The following ITGBL1 variants were observed in gnomAD, a reference collection of about 807,000 sequenced individuals.
The protein encoded by ITGBL1 is integrin beta-like protein 1.
In ITGBL1, 51 loss-of-function variants were observed where a neutral mutation model predicts 68.5. The observed-to-expected ratio is 0.74, with a 90% CI of 0.59 to 0.94. ITGBL1 has a LOEUF of 0.94. Ranked by LOEUF, ITGBL1 falls within the 40% of genes least tolerant of loss-of-function variation. ITGBL1 has a pLI of 0.00. For missense variants in ITGBL1, 649 were observed against 647.4 expected, an observed-to-expected ratio of 1.00 and a Z score of -0.03; for synonymous variants, 209 against 227.3, an observed-to-expected ratio of 0.92 and a Z score of 0.72.
chr13:101,528,679 A>G (rs1042391215), intron 2 of ITGBL1, among the ~76,000 whole-genome samples: 1 of 152,018 alleles, frequency 6.6e-6, no homozygotes, highest in African/African-American at 2.4e-5. Context: ...TACTGAATGT[A>G]TATAATGAAT....
chr13:101,539,115 A>C (rs2139179756), intron 2 of ITGBL1, among the ~76,000 whole-genome samples: 1 of 139,136 alleles, frequency 7.2e-6, no homozygotes, highest in African/African-American at 2.7e-5. Context: ...AGTTAGTTAC[A>C]TATGTATACA....
At chr13:101,649,776 A>T (rs1031055627) in intron 7 of ITGBL1, among the ~76,000 whole-genome samples, 3 of 151,988 alleles carry the variant, frequency 2.0e-5, no homozygotes, top group Non-Finnish European at 4.4e-5. Context: ...CCAAAATTTT[A>T]TTTTCTAATT....
intron 2 of ITGBL1, among the ~76,000 whole-genome samples, chr13:101,498,528 T>C (rs974628841): frequency 6.6e-6 from 1 of 152,144 alleles, no homozygotes; most frequent in African/African-American, 2.4e-5. Flanking sequence ...AGATCTATAG[T>C]AGGGTTAATT....
At chr13:101,553,642 G>T (rs900943606) in intron 2 of ITGBL1, among the ~76,000 whole-genome samples, 3 of 152,010 alleles carry the variant, frequency 2.0e-5, no homozygotes, top group African/African-American at 2.4e-5. Context: ...CCTCCTGAGG[G>T]TTATGCGAGT....
chr13:101,672,463 C>G (rs2033401426), intron 7 of ITGBL1, among the ~76,000 whole-genome samples: 1 of 152,210 alleles, frequency 6.6e-6, no homozygotes, highest in Admixed American at 6.5e-5. Flanking sequence ...TAGGCAGGCT[C>G]AAAATGGCAG....
chr13:101,582,996 C>A (rs548407613), intron 5 of ITGBL1, among the ~76,000 whole-genome samples: 1 of 152,054 alleles, frequency 6.6e-6, no homozygotes, highest in Non-Finnish European at 1.5e-5. Context: ...TGACACATTC[C>A]ACCAACTCAC....
intron 7 of ITGBL1, among the ~76,000 whole-genome samples, chr13:101,635,291 A>T (rs979832415): frequency 1.3e-5 from 2 of 152,102 alleles, no homozygotes; most frequent in East Asian, 3.9e-4. Context: ...CCTACCTTCA[A>T]AAAAGAATGT....
chr13:101,656,632 G>A (rs1165889363), intron 7 of ITGBL1, among the ~76,000 whole-genome samples: 1 of 152,074 alleles, frequency 6.6e-6, no homozygotes, highest in Admixed American at 6.6e-5. Flanking sequence ...TCATAAAAAA[G>A]TAAGGATCAC....
At chr13:101,714,583 G>A in intron 10 of ITGBL1, 32 bp downstream of exon 10, 2 of 1,275,362 alleles carry the variant, frequency 1.6e-6, no homozygotes, top group Non-Finnish European at 2.3e-6. Flanking sequence ...ATTGCTCTAT[G>A]CCACAGTTTG....
chr13:101,466,633 G>T (rs752694435), intron 2 of ITGBL1, among the ~76,000 whole-genome samples: 3 of 152,052 alleles, frequency 2.0e-5, no homozygotes, highest in South Asian at 2.1e-4. Flanking sequence ...ATGATTTCAC[G>T]TGTTTTCTTA....
At chr13:101,483,810 G>A (rs962089942) in intron 2 of ITGBL1, among the ~76,000 whole-genome samples, 4 of 151,988 alleles carry the variant, frequency 2.6e-5, no homozygotes, top group African/African-American at 7.3e-5. Context: ...TAAGTGGAAT[G>A]GCTTAAATAA....
At chr13:101,481,011 T>C (rs955585748) in intron 2 of ITGBL1, among the ~76,000 whole-genome samples, 2 of 113,748 alleles carry the variant, frequency 1.8e-5, no homozygotes, top group Non-Finnish European at 1.8e-5. Context: ...TATGTGTGTG[T>C]GTGTGTGTGT....
chr13:101,512,101 G>T (rs985970740), intron 2 of ITGBL1, among the ~76,000 whole-genome samples: 3 of 151,962 alleles, frequency 2.0e-5, no homozygotes, highest in African/African-American at 7.3e-5. Context: ...TTTGTAATTC[G>T]ACTACTCGTC....
At chr13:101,605,016 A>G (rs1298321857) in intron 7 of ITGBL1, among the ~76,000 whole-genome samples, 2 of 136,162 alleles carry the variant, frequency 1.5e-5, no homozygotes, top group Non-Finnish European at 3.2e-5. Flanking sequence ...ATATGCGTAT[A>G]TGTGTATATG....
chr13:101,472,796 T>A (rs958229259), intron 2 of ITGBL1, among the ~76,000 whole-genome samples: 1 of 152,182 alleles, frequency 6.6e-6, no homozygotes. Context: ...TGAAATTTAA[T>A]ATACATTTTG....
chr13:101,586,676 C>A (rs1334398215), intron 6 of ITGBL1, among the ~76,000 whole-genome samples: 1 of 152,272 alleles, frequency 6.6e-6, no homozygotes, highest in East Asian at 1.9e-4. Context: ...GATGCAAATA[C>A]AATTCTCCAG....
chr13:101,603,174 C>G (rs2030493821), intron 7 of ITGBL1, among the ~76,000 whole-genome samples: 2 of 151,892 alleles, frequency 1.3e-5, no homozygotes, highest in Admixed American at 1.3e-4. Flanking sequence ...AATGACAGTA[C>G]CATTTTACAT....
intron 2 of ITGBL1, among the ~76,000 whole-genome samples, chr13:101,553,542 A>G (rs1054701676): frequency 6.6e-6 from 1 of 152,194 alleles, no homozygotes; most frequent in African/African-American, 2.4e-5. Flanking sequence ...ACAGAGTGCC[A>G]CAAACGGGAT....
At chr13:101,697,548 A>G (rs1566795466) in intron 8 of ITGBL1, among the ~76,000 whole-genome samples, 1 of 152,218 alleles carries the variant, frequency 6.6e-6, no homozygotes, top group Non-Finnish European at 1.5e-5. Context: ...GCAGTGCCAT[A>G]TAGCAAGACG....
Sources: gnomAD v4.1 joint callset for allele counts (sites outside exome capture counted in the v4.1 genomes callset) on GRCh38, gnomAD v4.1.1 for gene constraint, MANE v1.5 for transcripts, NCBI Gene and HGNC (gene_info 2026-07-23, HGNC 2026-07-21) for gene names.